MRPL48: variants seen among roughly 807,000 people sequenced by gnomAD.
MRPL48 encodes the protein mitochondrial ribosomal protein L48, also known as large ribosomal subunit protein mL48.
In MRPL48, 16 loss-of-function variants were observed where a neutral mutation model predicts 32.9. That is an observed-to-expected ratio of 0.49 (90% CI 0.33 to 0.74). MRPL48 has a LOEUF of 0.74. Ranked by LOEUF, MRPL48 falls within the 30% of genes least tolerant of loss-of-function variation. The pLI is 0.02. For missense variants in MRPL48, 206 were observed against 245.3 expected, an observed-to-expected ratio of 0.84 and a Z score of 1.07; for synonymous variants, 94 against 89.2, an observed-to-expected ratio of 1.05 and a Z score of -0.31.
chr11:73,827,183 G>A (rs1947913421), intron 4 of MRPL48, among the ~76,000 whole-genome samples: 2 of 151,696 alleles, frequency 1.3e-5, no homozygotes, highest in South Asian at 4.2e-4. Flanking sequence ...TTGAGTTCAA[G>A]ACCAGCCTGA....
rs374421927 is a variant in MRPL48 at position 73,796,310 on chromosome 11, C to G, written c.21+8318C>G. 2.0e-4 allele frequency among the ~76,000 whole-genome samples: 30 copies of G among 152,378 alleles called. 1 individual carries two copies. The highest frequency in any genetic ancestry group is 7.0e-4 in the African/African-American group (29 of 41,590). On this transcript the variant is annotated intron_variant, in intron 1 of 7. Transcript: ENST00000310614. ...CCAGCCCTCGCAGGCTCAGAGGTGT[C>G]TGCTCCTGCTGCCTGGCTTCTCCCT...
chr11:73,864,286 T>C lies in MRPL48; in HGVS notation c.565-10T>C, dbSNP rs1171527902. 1 of 1,612,914 alleles carries C rather than the reference T, an allele frequency of 6.2e-7. No homozygotes were observed. Among genetic ancestry groups the C allele is most frequent in the Non-Finnish European group, 8.5e-7 (1 of 1,179,478 alleles). On this transcript the variant is annotated splice_polypyrimidine_tract_variant and intron_variant, in intron 7 of 7. Transcript: ENST00000310614. ...GTAATTACCGCTTATTTTCTTTTTC[T>C]TCTCCTTAGCACACTGAAGAAGACT...
At chr11:73,864,184 C>A in intron 7 of MRPL48, 112 bp from the exon 8 acceptor site, 1 of 851,562 alleles carries the variant, frequency 1.2e-6, no homozygotes, top group Non-Finnish European at 1.8e-6. Flanking sequence ...TTACTTGAAT[C>A]TGAATGATTC....
intron 1 of MRPL48, 34 bp from the exon 2 acceptor site, chr11:73,804,985 ATAAATGCT>A (rs1381558955): frequency 7.1e-6 from 11 of 1,559,044 alleles, no homozygotes; most frequent in Non-Finnish European, 9.6e-6. Context: ...TTGGAGGTCT[ATAAATGCT>A]TAAGATTGTC....
At position 73,787,886 on chromosome 11, in the gene MRPL48, C is replaced by G; in HGVS notation, c.-86C>G. On this transcript the variant is annotated 5_prime_UTR_variant, in exon 1 of 8. Coordinates refer to ENST00000310614, the MANE Select transcript of MRPL48 (RefSeq NM_016055.6). ...GCTGCTGCACCTGGTCAAGGCCGTT[C>G]CTTCAGTGTTTTCAGACGCCCTGGG... is the stretch of plus-strand genomic sequence containing the variant. 2.0e-6 allele frequency: 3 copies of G among 1,529,782 alleles called. No individual in the cohort carries two copies. The highest frequency in any genetic ancestry group is 1.2e-5 in the South Asian group (1 of 83,332). 94.8% of individuals were successfully genotyped at this position (1,529,782 alleles called of 1,614,324 possible).
At chr11:73,800,844 T>C (rs1286059914) in intron 1 of MRPL48, among the ~76,000 whole-genome samples, 2 of 147,378 alleles carry the variant, frequency 1.4e-5, no homozygotes, top group African/African-American at 5.0e-5. Context: ...GGAGTTTCGC[T>C]CTTGTTGCCC....
At chr11:73,845,145 C>T (rs1250770017) in intron 5 of MRPL48, 169 bp downstream of exon 5, 1 of 617,708 alleles carries the variant, frequency 1.6e-6, no homozygotes, top group South Asian at 3.9e-5. Context: ...CTGAAAAGTT[C>T]TTTGGTGCCC....
chr11:73,827,347 G>A (rs1247359968), intron 4 of MRPL48, among the ~76,000 whole-genome samples: 1 of 152,158 alleles, frequency 6.6e-6, no homozygotes, highest in East Asian at 1.9e-4. Context: ...TCACGCCACT[G>A]TACTCTAGTC....
At chr11:73,802,431 T>A (rs1298679828) in intron 1 of MRPL48, among the ~76,000 whole-genome samples, 1 of 152,114 alleles carries the variant, frequency 6.6e-6, no homozygotes, top group African/African-American at 2.4e-5. Context: ...TTTGAGAACA[T>A]CATCCCAAAA....
chr11:73,837,785 A>G (rs149505340), intron 4 of MRPL48, among the ~76,000 whole-genome samples: 29 of 152,132 alleles, frequency 1.9e-4, no homozygotes, highest in Non-Finnish European at 3.8e-4. Context: ...GCTGGCCTTC[A>G]TGTGCAGTCA....
chr11:73,802,843 G>A (rs1221268279), intron 1 of MRPL48, among the ~76,000 whole-genome samples: 1 of 151,984 alleles, frequency 6.6e-6, no homozygotes, highest in Non-Finnish European at 1.5e-5. Context: ...GGGATCACAG[G>A]TGTGCACCAC....
intron 1 of MRPL48, among the ~76,000 whole-genome samples, chr11:73,790,364 C>T (rs1976913): frequency 0.035 from 4,893 of 138,136 alleles, 352 homozygotes; most frequent in African/African-American, 0.13. Context: ...TGTGAGCCAC[C>T]GCACCCGGCC....
intron 3 of MRPL48, among the ~76,000 whole-genome samples, chr11:73,816,741 G>T (rs1447447542): frequency 1.3e-5 from 2 of 152,122 alleles, no homozygotes; most frequent in Non-Finnish European, 2.9e-5. Context: ...TGGGATTACA[G>T]GCATGAGCCA....
At chr11:73,833,560 T>C (rs1175229321) in intron 4 of MRPL48, among the ~76,000 whole-genome samples, 1 of 152,220 alleles carries the variant, frequency 6.6e-6, no homozygotes, top group Non-Finnish European at 1.5e-5. Context: ...TTTCCCATTT[T>C]AGAAACATAT....
At chr11:73,837,912 C>A (rs958859298) in intron 4 of MRPL48, among the ~76,000 whole-genome samples, 2 of 152,116 alleles carry the variant, frequency 1.3e-5, no homozygotes, top group African/African-American at 2.4e-5. Flanking sequence ...CAGTCAGTGG[C>A]ATGATCTTGG....
rs190546872 is a variant in MRPL48, at chr11:73,836,991, A to G, written c.202-7816A>G. 2.0e-5 allele frequency among the ~76,000 whole-genome samples: 3 copies of G among 152,314 alleles called. No homozygotes were observed. In the East Asian group the frequency reaches 5.8e-4, roughly 29 times the overall value. On this transcript the variant is annotated intron_variant, in intron 4 of 7. Transcript: ENST00000310614. ...TTTTGTCCATATGTCTCTCAAGTGT[A>G]TAACACCAGGTTATAAACATACTCA...
At chr11:73,827,508 T>C (rs562126551) in intron 4 of MRPL48, among the ~76,000 whole-genome samples, 1 of 152,324 alleles carries the variant, frequency 6.6e-6, no homozygotes, top group African/African-American at 2.4e-5. Flanking sequence ...TTTCTGTGTG[T>C]GTGCAGAGGA....
intron 2 of MRPL48, among the ~76,000 whole-genome samples, chr11:73,806,849 T>C (rs1947462711): frequency 1.3e-5 from 2 of 152,054 alleles, no homozygotes; most frequent in Non-Finnish European, 2.9e-5. Context: ...CTGTTCTGTG[T>C]ATAGATTGCT....
At chr11:73,851,157 C>T (rs1321935143) in intron 5 of MRPL48, 1 of 441,006 alleles carries the variant, frequency 2.3e-6, no homozygotes, top group Non-Finnish European at 4.6e-6. Flanking sequence ...TGAGTAATTC[C>T]TGGAACTGGG....
Sources: allele counts gnomAD v4.1 joint callset (sites outside exome capture counted in the v4.1 genomes callset), GRCh38; gene constraint gnomAD v4.1.1; transcripts MANE v1.5; gene names NCBI Gene and HGNC (gene_info 2026-07-23, HGNC 2026-07-21).